MAPKAPK2: variants seen among roughly 807,000 people sequenced by gnomAD.
The protein encoded by MAPKAPK2 is MAPK activated protein kinase 2.
MAPKAPK2 carries 9 observed loss-of-function variants against 48.8 expected under a neutral mutation model. The observed-to-expected ratio is 0.18, with a 90% CI of 0.11 to 0.32. The LOEUF is 0.32. Ranked by LOEUF, MAPKAPK2 falls within the 10% of genes least tolerant of loss-of-function variation. The probability of loss-of-function intolerance (pLI) is 1.00; values close to 1 mark genes in which losing one functional copy is unlikely to be tolerated. For missense variants in MAPKAPK2, 331 were observed against 498.3 expected (o/e 0.66, Z 3.20); for synonymous variants, 202 against 190.6 (o/e 1.06, Z -0.49).
chr1:206,688,018 A>G (rs1485854598), intron 1 of MAPKAPK2, among the ~76,000 whole-genome samples: 2 of 152,114 alleles, frequency 1.3e-5, no homozygotes, highest in African/African-American at 4.8e-5. Context: ...TAGCCCTGTT[A>G]AGTGAAATCA....
Position 206,704,732 on chromosome 1 carries a change from G to A in MAPKAPK2, c.279+19224G>A, listed in dbSNP as rs782328964. On this transcript the variant is annotated intron_variant, in intron 1 of 9. Coordinates refer to ENST00000367103, the MANE Select transcript of MAPKAPK2 (RefSeq NM_032960.4). This position sits in a 1 kb window ranked among gnomAD's most constrained non-coding sequence, Gnocchi z 4.3. Reference sequence around the variant, plus strand: ...ATTTGAACTGAATAAGTGAAGATGAGTGCACCACAAGTGTGTGTGTGCACT... The same window carrying A: ...ATTTGAACTGAATAAGTGAAGATGAATGCACCACAAGTGTGTGTGTGCACT... 1.3e-5 allele frequency among the ~76,000 whole-genome samples: 2 copies of A among 152,296 alleles called. No homozygotes were observed. The highest frequency in any genetic ancestry group is 3.9e-4 in the East Asian group (2 of 5,186).
rs1673921626 is a variant in MAPKAPK2 at position 206,731,798 on chromosome 1, T to C, written c.979-41T>C. The C allele has an allele frequency of 6.2e-7, 1 of 1,609,142 alleles. No homozygotes were observed. The highest frequency in any genetic ancestry group is 8.5e-7 in the Non-Finnish European group (1 of 1,175,644). On this transcript the variant is annotated intron_variant, in intron 8 of 9. Transcript: ENST00000367103. This position sits in a 1 kb window ranked among gnomAD's most constrained non-coding sequence, Gnocchi z 5.9. The stretch of plus-strand genomic sequence containing the variant: ...CAGGACAGAGTCTTAGCCAGGACCC[T>C]ACCCCAGGCTTTCACTCGGACCCCT...
In MAPKAPK2 at chr1:206,693,669, C is replaced by G. The variant is rs542267895; in HGVS notation, c.279+8161C>G. Among the ~76,000 whole-genome samples, 7 of 152,316 alleles carry G rather than the reference C, an allele frequency of 4.6e-5. No homozygotes were observed. The South Asian group carries it at 1.2e-3, about 27-fold the overall frequency. On this transcript the variant is annotated intron_variant, in intron 1 of 9. Transcript: ENST00000367103. ...GTAACAGAGTTACCATAGTTATATG[C>G]TAGGACAGCCCCACATGGGCAGTCT...
intron 1 of MAPKAPK2, among the ~76,000 whole-genome samples, chr1:206,705,988 G>A (rs1386173510): frequency 2.0e-5 from 3 of 152,180 alleles, no homozygotes; most frequent in Admixed American, 2.0e-4. Context: ...TCGCTGTGAG[G>A]CAGTGGTTAT....
At chr1:206,711,438 A>G (rs1673136586) in intron 1 of MAPKAPK2, among the ~76,000 whole-genome samples, 1 of 150,362 alleles carries the variant, frequency 6.7e-6, no homozygotes, top group Admixed American at 6.6e-5. Flanking sequence ...TTTAATAGAG[A>G]TGGGGTTTCG....
intron 1 of MAPKAPK2, among the ~76,000 whole-genome samples, chr1:206,692,874 C>G (rs930966566): frequency 2.6e-5 from 4 of 152,106 alleles, no homozygotes; most frequent in African/African-American, 9.7e-5. Flanking sequence ...TAGTGGCCAC[C>G]CGATGGGAGC....
At chr1:206,723,281 C>G (rs1282270949) in intron 1 of MAPKAPK2, among the ~76,000 whole-genome samples, 1 of 152,206 alleles carries the variant, frequency 6.6e-6, no homozygotes, top group East Asian at 1.9e-4. Context: ...TTGCCCCCCC[C>G]AGTGGGACTC....
intron 1 of MAPKAPK2, among the ~76,000 whole-genome samples, chr1:206,687,774 G>A (rs1355091596): frequency 6.6e-6 from 1 of 152,232 alleles, no homozygotes; most frequent in Non-Finnish European, 1.5e-5. Flanking sequence ...AAGCAGGAGA[G>A]GAAGATGGAG....
chr1:206,693,658 A>G (rs71633597), intron 1 of MAPKAPK2, among the ~76,000 whole-genome samples: 29,544 of 152,174 alleles, frequency 0.19, 3,080 homozygotes, highest in Middle Eastern at 0.31. Context: ...CAGAGTTACC[A>G]TAGTTATATG....
intron 1 of MAPKAPK2, chr1:206,696,071 T>C (rs1672615250): frequency 2.8e-6 from 3 of 1,052,766 alleles, no homozygotes; most frequent in Non-Finnish European, 4.5e-6. Flanking sequence ...TGAGGATTCA[T>C]CTCACCTGCC....
intron 1 of MAPKAPK2, among the ~76,000 whole-genome samples, chr1:206,699,941 CCTTT>C (rs781940836): frequency 6.0e-5 from 9 of 149,358 alleles, no homozygotes; most frequent in Non-Finnish European, 1.3e-4. Flanking sequence ...TTTCTTTTCT[CCTTT>C]CTTTTCGTTT....
rs1317736801 is a variant in MAPKAPK2, at chr1:206,732,354, A to G, written c.1060-221A>G. 9 of 1,443,090 alleles carry G rather than the reference A, an allele frequency of 6.2e-6. No homozygotes were observed. In the East Asian group the frequency reaches 2.2e-4, roughly 36 times the overall value. The allele number at this position is 1,443,090 out of a possible 1,614,324, so 89.4% of individuals were successfully genotyped here. A position where few individuals can be genotyped will look rare whatever the true frequency, so the allele number is the denominator to read the frequency against. ...GGGATCACTGGGGGGCTCTCAGGGAACAGCAGCAGTGCCATAGCCAGGCTC... is the reference window on the plus strand; with the variant it reads ...GGGATCACTGGGGGGCTCTCAGGGAGCAGCAGCAGTGCCATAGCCAGGCTC... On this transcript the variant is annotated intron_variant, in intron 9 of 9. Transcript: ENST00000367103. This position sits in a 1 kb window ranked among gnomAD's most constrained non-coding sequence, Gnocchi z 4.4.
chr1:206,685,045 G>GGC lies in MAPKAPK2; in HGVS notation c.-179_-178dup. On this transcript the variant is annotated 5_prime_UTR_variant, in exon 1 of 10. Coordinates refer to ENST00000367103, the MANE Select transcript of MAPKAPK2 (RefSeq NM_032960.4). ...GGGCGCCGGGCCGGTGGGAGCCAGCGGCGCGCGGTGGGACCCACGGAGCCC... is the reference window on the plus strand; with the variant it reads ...GGGCGCCGGGCCGGTGGGAGCCAGCGGCGCGCGCGGTGGGACCCACGGAGCCC... 1 of 166,348 alleles carries GGC rather than the reference G, an allele frequency of 6.0e-6. No individual in the cohort carries two copies. 10.3% of individuals were successfully genotyped at this position (166,348 alleles called of 1,614,324 possible).
At chr1:206,712,172 C>A (rs1310820958) in intron 1 of MAPKAPK2, among the ~76,000 whole-genome samples, 1 of 152,100 alleles carries the variant, frequency 6.6e-6, no homozygotes, top group Non-Finnish European at 1.5e-5. Context: ...CTTCCTTGTT[C>A]TTAGAAGCAG....
In MAPKAPK2 at chr1:206,693,659, T is replaced by C. The variant is rs138959193; in HGVS notation, c.279+8151T>C. ...CCTGGTTATGGTAACAGAGTTACCATAGTTATATGCTAGGACAGCCCCACA... is the reference window on the plus strand; with the variant it reads ...CCTGGTTATGGTAACAGAGTTACCACAGTTATATGCTAGGACAGCCCCACA... On this transcript the variant is annotated intron_variant, in intron 1 of 9. Coordinates refer to ENST00000367103, the MANE Select transcript of MAPKAPK2 (RefSeq NM_032960.4). Among the ~76,000 whole-genome samples the C allele has an allele frequency of 1.2e-4, 19 of 152,326 alleles. No individual in the cohort carries two copies. In the East Asian group the frequency reaches 2.7e-3, roughly 22 times the overall value.
chr1:206,732,228 C>G lies in MAPKAPK2; in HGVS notation c.1059+309C>G. ...CAGAAGAGAAACTGAGGCCCAGAGGCGGAGGGCAGTCTGCTCAAGGTCACG... is the reference window on the plus strand; with the variant it reads ...CAGAAGAGAAACTGAGGCCCAGAGGGGGAGGGCAGTCTGCTCAAGGTCACG... On this transcript the variant is annotated intron_variant, in intron 9 of 9. Transcript: ENST00000367103. This position sits in a 1 kb window ranked among gnomAD's most constrained non-coding sequence, Gnocchi z 4.4. 1 of 1,520,014 alleles carries G rather than the reference C, an allele frequency of 6.6e-7. No homozygotes were observed. The highest frequency in any genetic ancestry group is 8.9e-7 in the Non-Finnish European group (1 of 1,127,104). The allele number at this position is 1,520,014 out of a possible 1,614,324, so 94.2% of individuals were successfully genotyped here.
chr1:206,729,125 C>G lies in MAPKAPK2; in HGVS notation c.484+26C>G, dbSNP rs112707769. The G allele has an allele frequency of 1.8e-3, 2,920 of 1,611,744 alleles. 49 individuals carry two copies. In the African/African-American group the frequency reaches 0.036, roughly 20 times the overall value. On this transcript the variant is annotated intron_variant, in intron 3 of 9. Coordinates refer to ENST00000367103, the MANE Select transcript of MAPKAPK2 (RefSeq NM_032960.4). ...GTAGAAAGGGTCTGTTGTGGGAGCACGTGCAGGCAGGCAGGGCAGTGGGGG... is the reference window on the plus strand; with the variant it reads ...GTAGAAAGGGTCTGTTGTGGGAGCAGGTGCAGGCAGGCAGGGCAGTGGGGG...
In MAPKAPK2 at chr1:206,728,696, T is replaced by A; in HGVS notation, c.280-14T>A. Reference sequence around the variant, plus strand: ...GTGACAGCGCAGTTACTCAGAAAGCTGTTTGGCCTGCAGATGCTTCAGGAC... The same window carrying A: ...GTGACAGCGCAGTTACTCAGAAAGCAGTTTGGCCTGCAGATGCTTCAGGAC... On this transcript the variant is annotated splice_polypyrimidine_tract_variant and intron_variant, in intron 1 of 9. Coordinates refer to ENST00000367103, the MANE Select transcript of MAPKAPK2 (RefSeq NM_032960.4). 1 of 1,612,054 alleles carries A rather than the reference T, an allele frequency of 6.2e-7. No homozygotes were observed. The highest frequency in any genetic ancestry group is 8.5e-7 in the Non-Finnish European group (1 of 1,179,224).
In MAPKAPK2 at chr1:206,732,961, C is replaced by A; in HGVS notation, c.*243C>A. On this transcript the variant is annotated 3_prime_UTR_variant, in exon 10 of 10. Coordinates refer to ENST00000367103, the MANE Select transcript of MAPKAPK2 (RefSeq NM_032960.4). The surrounding 1 kb of genome is among the most constrained non-coding windows in gnomAD (Gnocchi z 4.4). ...TGCTCTTGAACCTGTGCTCATTTTG[C>A]AATTTTATCAGTAATTTGACTTAGA... The A allele has an allele frequency of 2.1e-6, 1 of 475,198 alleles. No individual in the cohort carries two copies. The allele number at this position is 475,198 out of a possible 1,614,324, so 29.4% of individuals were successfully genotyped here.
Sources: gnomAD v4.1 joint callset for allele counts (sites outside exome capture counted in the v4.1 genomes callset) on GRCh38, gnomAD v4.1.1 for gene constraint, Gnocchi (gnomAD v3.1) non-coding constraint, MANE v1.5 for transcripts, NCBI Gene and HGNC (gene_info 2026-07-23, HGNC 2026-07-21) for gene names.